LRBA: variants seen among roughly 807,000 people sequenced by gnomAD.
LRBA encodes LPS responsive beige-like anchor protein.
A neutral mutation model predicts 330.0 loss-of-function variants in LRBA; 176 were observed. That is an observed-to-expected ratio of 0.53 (90% CI 0.47 to 0.60). The LOEUF (loss-of-function observed/expected upper bound fraction) is 0.60, where lower values mean the gene tolerates loss of function less well. LRBA is among the 20% of genes least tolerant of loss of function. The pLI, the probability that LRBA is intolerant of heterozygous loss-of-function variation, is 0.00. For missense variants in LRBA, 3,259 were observed against 3,444.8 expected, an observed-to-expected ratio of 0.95 and a Z score of 1.35; for synonymous variants, 1,230 against 1,193.0, an observed-to-expected ratio of 1.03 and a Z score of -0.64.
At chr4:150,619,929 T>C (rs1448703376) in intron 37 of LRBA, among the ~76,000 whole-genome samples, 1 of 152,190 alleles carries the variant, frequency 6.6e-6, no homozygotes, top group African/African-American at 2.4e-5. Flanking sequence ...GCCTCAGTTT[T>C]ACACAACATA....
chr4:150,691,273 A>ATT lies in LRBA; in HGVS notation c.5755-7557_5755-7556insAA, dbSNP rs1784115462. ...AGAACCATTTATAAAATAAAAGGTA[A>ATT]GCCACAAATTGTGAAAAAAAATTTA... On this transcript the variant is annotated intron_variant, in intron 36 of 56. Transcript: ENST00000651943. Among the ~76,000 whole-genome samples, 4 of 152,266 alleles carry ATT rather than the reference A, an allele frequency of 2.6e-5. No homozygotes were observed. In the South Asian group the frequency reaches 8.3e-4, roughly 32 times the overall value.
At chr4:150,775,852 G>C (rs1305029189) in intron 34 of LRBA, among the ~76,000 whole-genome samples, 2 of 143,314 alleles carry the variant, frequency 1.4e-5, no homozygotes, top group East Asian at 4.0e-4. Flanking sequence ...AGAGGGGAGA[G>C]GAAGGACGAG....
intron 2 of LRBA, among the ~76,000 whole-genome samples, chr4:150,934,023 C>T (rs887293022): frequency 6.1e-5 from 7 of 115,688 alleles, no homozygotes; most frequent in Non-Finnish European, 1.3e-4. Context: ...GACCCTGTCT[C>T]AAAAAAAAAA....
chr4:150,631,989 G>C (rs954691045), intron 37 of LRBA, among the ~76,000 whole-genome samples: 20 of 152,174 alleles, frequency 1.3e-4, no homozygotes, highest in African/African-American at 4.8e-4. Flanking sequence ...CCAGCACTTT[G>C]GGAGGCCAAG....
At chr4:150,529,650 T>C (rs1278873917) in intron 40 of LRBA, among the ~76,000 whole-genome samples, 1 of 150,644 alleles carries the variant, frequency 6.6e-6, no homozygotes. Flanking sequence ...AGGACCCAGG[T>C]AGCGGAGGTT....
chr4:150,946,273 A>G (rs547251041), intron 2 of LRBA, among the ~76,000 whole-genome samples: 4 of 152,342 alleles, frequency 2.6e-5, no homozygotes, highest in Admixed American at 1.3e-4. Flanking sequence ...CTATCAACAA[A>G]GAAGAACTAA....
chr4:150,398,356 C>T (rs1745029065), intron 47 of LRBA, among the ~76,000 whole-genome samples: 1 of 152,050 alleles, frequency 6.6e-6, no homozygotes, highest in Admixed American at 6.6e-5. Flanking sequence ...ATTTCACGAG[C>T]TCATAAAAAT....
At chr4:150,650,889 G>A (rs1278298452) in intron 37 of LRBA, among the ~76,000 whole-genome samples, 1 of 151,962 alleles carries the variant, frequency 6.6e-6, no homozygotes, top group African/African-American at 2.4e-5. Context: ...GAACTAAAGA[G>A]GAGAAACCAT....
intron 44 of LRBA, among the ~76,000 whole-genome samples, chr4:150,443,853 A>AAAAAAAAAAATATAT (rs70941406): frequency 4.0e-5 from 3 of 75,480 alleles, no homozygotes; most frequent in Non-Finnish European, 8.9e-5. Context: ...TAATTAAAAA[A>AAAAAAAAAAATATAT]ATATATATAT....
At chr4:150,639,749 A>ATATATGTGTGTATGTATG (rs1554070657) in intron 37 of LRBA, among the ~76,000 whole-genome samples, 1 of 3,442 alleles carries the variant, frequency 2.9e-4, no homozygotes, top group Non-Finnish European at 1.1e-3. Flanking sequence ...ATATATATAT[A>ATATATGTGTGTATGTATG]TATATATATA....
chr4:150,974,368 T>C (rs1444357466), intron 2 of LRBA, among the ~76,000 whole-genome samples: 2 of 152,208 alleles, frequency 1.3e-5, no homozygotes, highest in African/African-American at 4.8e-5. Flanking sequence ...GGATGAATAC[T>C]AAACTGCATG....
At chr4:150,523,836 A>G (rs1763179517) in intron 40 of LRBA, among the ~76,000 whole-genome samples, 4 of 152,082 alleles carry the variant, frequency 2.6e-5, no homozygotes, top group African/African-American at 9.7e-5. Flanking sequence ...CCATCCATCT[A>G]TACACAAATA....
chr4:150,639,222 AG>A (rs1316428320), intron 37 of LRBA, among the ~76,000 whole-genome samples: 4 of 67,082 alleles, frequency 6.0e-5, no homozygotes, highest in African/African-American at 2.3e-4. Flanking sequence ...GGAAGGGGGG[AG>A]GGGGGAGGGA....
chr4:150,831,694 A>C (rs1747215427), intron 29 of LRBA, 123 bp downstream of exon 29: 1 of 612,400 alleles, frequency 1.6e-6, no homozygotes, highest in Non-Finnish European at 2.5e-6. Flanking sequence ...ATAAAAATAT[A>C]TGTATGCTCT....
intron 36 of LRBA, chr4:150,721,455 GT>G: frequency 1.8e-5 from 5 of 283,824 alleles, no homozygotes; most frequent in Non-Finnish European, 1.4e-5. Flanking sequence ...AAACCCAGAA[GT>G]TTTTGTGATC....
At chr4:150,686,489 T>C (rs1783640107) in intron 36 of LRBA, among the ~76,000 whole-genome samples, 1 of 152,190 alleles carries the variant, frequency 6.6e-6, no homozygotes, top group Non-Finnish European at 1.5e-5. Flanking sequence ...ATTATTTCAT[T>C]GTAACAAAAA....
intron 47 of LRBA, among the ~76,000 whole-genome samples, chr4:150,364,352 T>C (rs551550862): frequency 3.0e-4 from 46 of 152,366 alleles, no homozygotes; most frequent in African/African-American, 1.0e-3. Context: ...ACAATAATCC[T>C]ATAAGCACCA....
intron 36 of LRBA, among the ~76,000 whole-genome samples, chr4:150,705,372 T>A (rs1444090443): frequency 1.3e-5 from 2 of 152,074 alleles, no homozygotes; most frequent in Non-Finnish European, 2.9e-5. Flanking sequence ...GAGGTCTGCA[T>A]TATAGTCAGT....
intron 40 of LRBA, among the ~76,000 whole-genome samples, chr4:150,578,321 T>G (rs1252703223): frequency 2.0e-5 from 3 of 152,222 alleles, no homozygotes; most frequent in Non-Finnish European, 2.9e-5. Context: ...AAGTACTCTG[T>G]CAACTCATCA....
Sources: allele counts gnomAD v4.1 joint callset (sites outside exome capture counted in the v4.1 genomes callset), GRCh38; gene constraint gnomAD v4.1.1; transcripts MANE v1.5; gene names NCBI Gene and HGNC (gene_info 2026-07-23, HGNC 2026-07-21).